Variants in DEPDC5 observed in about 807,000 individuals in gnomAD.
DEPDC5 encodes the protein GATOR1 complex protein DEPDC5.
Under a neutral mutation model 217.3 loss-of-function variants are expected in DEPDC5, and 73 were observed. That is an observed-to-expected ratio of 0.34 (90% confidence interval 0.28 to 0.41). DEPDC5 has a LOEUF of 0.41. DEPDC5 is among the 10% of genes least tolerant of loss of function. The pLI is 1.00. For synonymous variants in DEPDC5, 733 were observed against 756.7 expected (o/e 0.97, Z 0.51); for missense variants, 1,675 against 2,070.1 (o/e 0.81, Z 3.70).
intron 41 of DEPDC5, among the ~76,000 whole-genome samples, chr22:31,902,641 G>A (rs1469583623): frequency 6.6e-6 from 1 of 151,976 alleles, no homozygotes; most frequent in Non-Finnish European, 1.5e-5. Context: ...AAGGTAGAGA[G>A]TGCAGCAGTC....
intron 30 of DEPDC5, 37 bp from the exon 31 acceptor site, chr22:31,846,797 C>CTT: frequency 6.2e-7 from 1 of 1,613,994 alleles, no homozygotes; most frequent in South Asian, 1.1e-5. Context: ...TGAGAGCCCA[C>CTT]TTGGCTGATG....
intron 7 of DEPDC5, among the ~76,000 whole-genome samples, chr22:31,773,923 T>C (rs1010790044): frequency 6.6e-6 from 1 of 151,792 alleles, no homozygotes; most frequent in Admixed American, 6.6e-5. Context: ...AATACAAAAT[T>C]AGCTGAGCAT....
At chr22:31,838,913 A>G in intron 27 of DEPDC5, 68 bp downstream of exon 27, 4 of 1,502,516 alleles carry the variant, frequency 2.7e-6, no homozygotes, top group Non-Finnish European at 3.6e-6. Context: ...GGTTTTCAAG[A>G]TGGTAGGTAG....
chr22:31,761,912 G>A (rs2148048536), intron 4 of DEPDC5, among the ~76,000 whole-genome samples: 1 of 149,520 alleles, frequency 6.7e-6, no homozygotes, highest in Admixed American at 6.8e-5. Flanking sequence ...AGGTTGCAGT[G>A]AGCCGAGGTC....
chr22:31,792,782 G>A lies in DEPDC5; in HGVS notation c.732G>A (p.Gln244=), dbSNP rs2085827135. ...FPEINRASIR[Q]DHKGRFYEDF... The stretch of plus-strand genomic sequence containing the variant: ...AAATAAACCGAGCCTCAATTCGACA[G>A]GATCACAAGGGGAGATTCTATGAAG... Residue 244 remains glutamine, a synonymous_variant, in exon 12 of 43, where the codon CAG becomes CAA. Coordinates refer to ENST00000651528, the MANE Select transcript of DEPDC5 (RefSeq NM_001242896.3). 2 of 1,549,154 alleles carry A rather than the reference G, an allele frequency of 1.3e-6. No individual in the cohort carries two copies. Among genetic ancestry groups the A allele is most frequent in the African/African-American group, 1.4e-5 (1 of 70,160 alleles).
intron 33 of DEPDC5, among the ~76,000 whole-genome samples, chr22:31,870,351 G>GCA (rs2092806715): frequency 6.6e-6 from 1 of 152,206 alleles, no homozygotes; most frequent in South Asian, 2.1e-4. Context: ...GAGGGTGGGA[G>GCA]TTCCCAGCTG....
chr22:31,793,192 A>T (rs1008861683), intron 12 of DEPDC5, among the ~76,000 whole-genome samples: 5 of 152,210 alleles, frequency 3.3e-5, no homozygotes, highest in Non-Finnish European at 7.3e-5. Context: ...TGTTTCCTCT[A>T]ATATTAACAT....
intron 10 of DEPDC5, 103 bp from the exon 11 acceptor site, chr22:31,791,925 CAAAAA>C (rs34494517): frequency 5.7e-3 from 700 of 123,806 alleles, no homozygotes; most frequent in South Asian, 0.011. Context: ...GACTCCGTCT[CAAAAA>C]AAAAAAAAAA....
intron 29 of DEPDC5, 103 bp from the exon 30 acceptor site, chr22:31,844,915 G>T (rs2091634342): frequency 1.7e-6 from 2 of 1,160,262 alleles, no homozygotes; most frequent in Middle Eastern, 1.9e-4. Context: ...CATACTCATG[G>T]GGAGATGGAC....
At chr22:31,884,460 T>G (rs998702966) in intron 38 of DEPDC5, among the ~76,000 whole-genome samples, 1 of 152,222 alleles carries the variant, frequency 6.6e-6, no homozygotes, top group African/African-American at 2.4e-5. Flanking sequence ...CGGCCAGTCC[T>G]CAGTCCTGGT....
chr22:31,841,610 G>A (rs1569076225), intron 27 of DEPDC5, among the ~76,000 whole-genome samples: 1 of 152,218 alleles, frequency 6.6e-6, no homozygotes, highest in Non-Finnish European at 1.5e-5. Context: ...CTATGTAAAT[G>A]AAGTGGTGGC....
At chr22:31,810,663 G>A (rs2088184309) in intron 20 of DEPDC5, 22 bp downstream of exon 20, 1 of 1,613,038 alleles carries the variant, frequency 6.2e-7, no homozygotes, top group East Asian at 2.2e-5. Flanking sequence ...GATTCACTTG[G>A]GGGTGCATAT....
intron 14 of DEPDC5, among the ~76,000 whole-genome samples, chr22:31,800,844 C>T (rs986154796): frequency 7.2e-5 from 11 of 151,740 alleles, no homozygotes; most frequent in African/African-American, 1.2e-4. Flanking sequence ...AGCATGGTGG[C>T]GCACACCTGT....
intron 14 of DEPDC5, among the ~76,000 whole-genome samples, chr22:31,798,942 G>A (rs2086560128): frequency 6.6e-6 from 1 of 152,144 alleles, no homozygotes; most frequent in South Asian, 2.1e-4. Flanking sequence ...AAGTCATGGG[G>A]GAGAGATGCT....
chr22:31,866,447 G>A (rs1318622453), intron 33 of DEPDC5, among the ~76,000 whole-genome samples: 1 of 151,982 alleles, frequency 6.6e-6, no homozygotes, highest in Non-Finnish European at 1.5e-5. Context: ...ATGCAGTGGC[G>A]TGATCTCAGC....
chr22:31,876,218 A>G lies in DEPDC5; in HGVS notation c.3758A>G (p.Tyr1253Cys), dbSNP rs2092987722. 6.2e-7 allele frequency: 1 copy of G among 1,614,048 alleles called. No homozygotes were observed. Among genetic ancestry groups the G allele is most frequent in the Non-Finnish European group, 8.5e-7 (1 of 1,180,018 alleles). ...GGCGAAGCCTGGCGGACCTTCATCT[A>G]CGGCTTCTATTTCTACAAGATAGTA... ...ASGEAWRTFI[Y>C]GFYFYKIVTD... The change falls in exon 37 of 43, where the codon TAC becomes TGC. Residue 1253 changes from tyrosine (Y) to cysteine (C), a missense_variant. Physicochemically the swap from Tyr to Cys is radical, Grantham distance 194. Transcript: ENST00000651528.
At chr22:31,872,157 C>T (rs1306791445) in intron 34 of DEPDC5, among the ~76,000 whole-genome samples, 1 of 152,116 alleles carries the variant, frequency 6.6e-6, no homozygotes, top group Non-Finnish European at 1.5e-5. Context: ...AGTGGGTGGC[C>T]ACTCAGCTGC....
intron 8 of DEPDC5, among the ~76,000 whole-genome samples, chr22:31,781,126 G>C (rs1305231676): frequency 6.6e-6 from 1 of 151,384 alleles, no homozygotes; most frequent in African/African-American, 2.4e-5. Context: ...TGAGGCAAGA[G>C]AATCTCTTGA....
intron 31 of DEPDC5, among the ~76,000 whole-genome samples, chr22:31,856,236 C>T (rs1364051097): frequency 6.6e-6 from 1 of 151,414 alleles, no homozygotes; most frequent in Non-Finnish European, 1.5e-5. Context: ...GCCTATGACA[C>T]ACACACACAC....
Sources: gnomAD v4.1 joint callset for allele counts (sites outside exome capture counted in the v4.1 genomes callset) on GRCh38, gnomAD v4.1.1 for gene constraint, MANE v1.5 for transcripts, NCBI Gene and HGNC (gene_info 2026-07-23, HGNC 2026-07-21) for gene names.